Variants in PTPRD observed in about 807,000 individuals in gnomAD.
The protein encoded by PTPRD is protein tyrosine phosphatase receptor type D.
Under a neutral mutation model 214.5 loss-of-function variants are expected in PTPRD, and 34 were observed. That is an observed-to-expected ratio of 0.16 (90% CI 0.12 to 0.21). The LOEUF (loss-of-function observed/expected upper bound fraction) is 0.21, where lower values mean the gene tolerates loss of function less well. Ranked by LOEUF, PTPRD falls within the 10% of genes least tolerant of loss-of-function variation. The probability of loss-of-function intolerance (pLI) is 1.00; values close to 1 mark genes in which losing one functional copy is unlikely to be tolerated. For missense variants in PTPRD, 2,545 were observed against 2,398.7 expected, an observed-to-expected ratio of 1.06 and a Z score of -1.27; for synonymous variants, 1,128 against 845.7, an observed-to-expected ratio of 1.33 and a Z score of -5.79.
At chr9:9,899,627 GA>G (rs1431387529) in intron 5 of PTPRD, among the ~76,000 whole-genome samples, 1 of 151,738 alleles carries the variant, frequency 6.6e-6, no homozygotes, top group Non-Finnish European at 1.5e-5. Context: ...AGCTATTATG[GA>G]AAACAGTATG....
At chr9:10,121,422 T>G (rs985594462) in intron 3 of PTPRD, among the ~76,000 whole-genome samples, 23 of 152,178 alleles carry the variant, frequency 1.5e-4, no homozygotes, top group African/African-American at 5.1e-4. Flanking sequence ...GGAATTGATG[T>G]GGCCAAAAGT....
chr9:9,204,552 T>C (rs892880092), intron 9 of PTPRD, among the ~76,000 whole-genome samples: 4 of 152,150 alleles, frequency 2.6e-5, no homozygotes, highest in African/African-American at 7.2e-5. Flanking sequence ...CTTCCAACTA[T>C]AGAGTACTCT....
chr9:8,571,709 T>A (rs952952897), intron 14 of PTPRD, among the ~76,000 whole-genome samples: 1 of 152,130 alleles, frequency 6.6e-6, no homozygotes, highest in Non-Finnish European at 1.5e-5. Flanking sequence ...GGTTCTTCCA[T>A]TTGTTCATTT....
intron 5 of PTPRD, among the ~76,000 whole-genome samples, chr9:9,881,963 A>T (rs2068866170): frequency 6.6e-6 from 1 of 151,934 alleles, no homozygotes. Context: ...GGCCTGTAAA[A>T]CCCCATCCAA....
Position 10,430,743 on chromosome 9 carries a change from G to A in PTPRD, c.-599-89726C>T, listed in dbSNP as rs118129060. 3.6e-3 allele frequency among the ~76,000 whole-genome samples: 549 copies of A among 151,730 alleles called. 1 individual carries two copies. Among genetic ancestry groups the A allele is most frequent in the Middle Eastern group, 0.01 (3 of 292 alleles). On this transcript the variant is annotated intron_variant, in intron 2 of 45. Transcript: ENST00000381196. ...TAGTTAATATTAGTGTTGGCAAAAG[G>A]TCAAAAAAGATTGTTATGTTTTAGT...
chr9:8,445,000 C>T (rs1488831743), intron 34 of PTPRD, among the ~76,000 whole-genome samples: 1 of 152,104 alleles, frequency 6.6e-6, no homozygotes, highest in Admixed American at 6.6e-5. Context: ...TTCCCTTCTT[C>T]CATAGATCTT....
chr9:9,995,040 AT>A (rs2096073589), intron 4 of PTPRD, among the ~76,000 whole-genome samples: 1 of 152,258 alleles, frequency 6.6e-6, no homozygotes. Flanking sequence ...GTTTAAGCTT[AT>A]TTTTGTAAAC....
chr9:9,327,653 T>A (rs765454418), intron 9 of PTPRD, among the ~76,000 whole-genome samples: 2 of 152,128 alleles, frequency 1.3e-5, no homozygotes, highest in African/African-American at 2.4e-5. Context: ...AAAATGAGAA[T>A]GTGGGAAATA....
intron 8 of PTPRD, among the ~76,000 whole-genome samples, chr9:9,461,804 G>A (rs925543571): frequency 1.3e-5 from 2 of 152,094 alleles, no homozygotes; most frequent in Non-Finnish European, 1.5e-5. Flanking sequence ...AATGAACTGT[G>A]CAGAGAATAG....
chr9:9,766,745 A>G (rs2098709793), intron 6 of PTPRD, 65 bp downstream of exon 6: 1 of 152,466 alleles, frequency 6.6e-6, no homozygotes. Flanking sequence ...TAATATAATT[A>G]TTGTCATAAT....
chr9:8,320,792 C>T (rs189307884), intron 44 of PTPRD, among the ~76,000 whole-genome samples: 76 of 152,104 alleles, frequency 5.0e-4, no homozygotes, highest in African/African-American at 1.6e-3. Context: ...AGAATCTTCA[C>T]GGTAGCAAGA....
intron 5 of PTPRD, among the ~76,000 whole-genome samples, chr9:9,825,483 GAGAA>G (rs1010731034): frequency 2.6e-4 from 39 of 151,956 alleles, no homozygotes; most frequent in African/African-American, 9.2e-4. Context: ...GAGAGACAGA[GAGAA>G]AGACAGACAG....
intron 35 of PTPRD, among the ~76,000 whole-genome samples, chr9:8,412,137 T>C (rs1183830387): frequency 6.6e-6 from 1 of 152,188 alleles, no homozygotes; most frequent in Non-Finnish European, 1.5e-5. Flanking sequence ...TGAGGTGGCA[T>C]GTGCCTGTAA....
chr9:8,329,813 G>A (rs1837933244), intron 44 of PTPRD, among the ~76,000 whole-genome samples: 1 of 151,972 alleles, frequency 6.6e-6, no homozygotes, highest in African/African-American at 2.4e-5. Flanking sequence ...ACACTGTGAG[G>A]GTAAAACAAA....
chr9:8,543,771 G>A (rs1003104486), intron 14 of PTPRD, among the ~76,000 whole-genome samples: 1 of 152,104 alleles, frequency 6.6e-6, no homozygotes, highest in Non-Finnish European at 1.5e-5. Context: ...GGAGTGCAAT[G>A]GCATGGTCTA....
At chr9:10,232,858 A>C (rs1405117191) in intron 3 of PTPRD, among the ~76,000 whole-genome samples, 1 of 152,014 alleles carries the variant, frequency 6.6e-6, no homozygotes, top group African/African-American at 2.4e-5. Context: ...TTACAGCTCA[A>C]ATGTCAACTA....
At chr9:9,583,291 A>G (rs2091237002) in intron 7 of PTPRD, among the ~76,000 whole-genome samples, 1 of 152,032 alleles carries the variant, frequency 6.6e-6, no homozygotes, top group African/African-American at 2.4e-5. Context: ...GAAAATTTAT[A>G]CATCCTTATG....
At chr9:9,089,869 T>C (rs1424389492) in intron 10 of PTPRD, among the ~76,000 whole-genome samples, 4 of 152,174 alleles carry the variant, frequency 2.6e-5, no homozygotes, top group Non-Finnish European at 4.4e-5. Context: ...CCATATTTAC[T>C]CCTTTCACTG....
chr9:8,325,018 T>A (rs964939321), intron 44 of PTPRD, among the ~76,000 whole-genome samples: 1 of 151,888 alleles, frequency 6.6e-6, no homozygotes, highest in Non-Finnish European at 1.5e-5. Flanking sequence ...GATGGATAGA[T>A]AGCAAAAATT....
Sources: gnomAD v4.1 joint callset for allele counts (sites outside exome capture counted in the v4.1 genomes callset) on GRCh38, gnomAD v4.1.1 for gene constraint, MANE v1.5 for transcripts, NCBI Gene and HGNC (gene_info 2026-07-23, HGNC 2026-07-21) for gene names.